ANKRD30BL: variants seen among roughly 807,000 people sequenced by gnomAD.
ANKRD30BL encodes ankyrin repeat domain 30B like.
In ANKRD30BL, 20 loss-of-function variants were observed where a neutral mutation model predicts 18.4. The observed-to-expected ratio is 1.09, with a 90% CI of 0.77 to 1.58. ANKRD30BL has a LOEUF of 1.58. Ranked by LOEUF, ANKRD30BL falls within the 40% of genes most tolerant of loss-of-function variation. The probability of loss-of-function intolerance (pLI) is 0.00; values close to 1 mark genes in which losing one functional copy is unlikely to be tolerated. For missense variants in ANKRD30BL, 224 were observed against 268.6 expected (o/e 0.83, Z 1.16); for synonymous variants, 72 against 100.9 (o/e 0.71, Z 1.72).
intron 1 of ANKRD30BL, among the ~76,000 whole-genome samples, chr2:132,229,639 A>G (rs555509479): frequency 1.9e-4 from 29 of 152,282 alleles, no homozygotes; most frequent in Admixed American, 6.5e-5. Flanking sequence ...AACACTAGAC[A>G]GAAGCATTCT....
rs540617016 is a variant in ANKRD30BL, at chr2:132,154,301, G to A, written c.614+361C>T. On this transcript the variant is annotated intron_variant, in intron 4 of 5. Transcript: ENST00000409867. ...TTTTAAAAGTGTATGAAAAACAGAA[G>A]TTAGAAAAATACTATAAAGGTGTTA... Among the ~76,000 whole-genome samples the A allele has an allele frequency of 6.3e-4, 96 of 152,214 alleles. 5 individuals are homozygous for A. The South Asian group carries it at 0.02, about 31-fold the overall frequency.
At chr2:132,176,235 A>C (rs1388769677) in intron 1 of ANKRD30BL, among the ~76,000 whole-genome samples, 1 of 151,880 alleles carries the variant, frequency 6.6e-6, no homozygotes, top group African/African-American at 2.4e-5. Flanking sequence ...CTCTATTAAA[A>C]ATACAAAAAA....
At chr2:132,190,393 T>G (rs1368267080) in intron 1 of ANKRD30BL, among the ~76,000 whole-genome samples, 6 of 151,526 alleles carry the variant, frequency 4.0e-5, no homozygotes, top group Non-Finnish European at 8.8e-5. Flanking sequence ...ATCAAAAGGC[T>G]ACTTTCCAAA....
At chr2:132,253,341 C>CT (rs1680718188) in intron 1 of ANKRD30BL, 1 of 152,640 alleles carries the variant, frequency 6.6e-6, no homozygotes, top group Non-Finnish European at 1.5e-5. Flanking sequence ...CTCCCAACAA[C>CT]GGGAGGCCCT....
chr2:132,175,444 G>T (rs1688350554), intron 1 of ANKRD30BL, among the ~76,000 whole-genome samples: 1 of 152,210 alleles, frequency 6.6e-6, no homozygotes, highest in Non-Finnish European at 1.5e-5. Flanking sequence ...CCATAAGGTG[G>T]TTTTTCTCCT....
intron 1 of ANKRD30BL, among the ~76,000 whole-genome samples, chr2:132,221,825 G>T (rs527345319): frequency 1.9e-4 from 20 of 106,408 alleles, no homozygotes; most frequent in Non-Finnish European, 3.1e-4. Flanking sequence ...AGGTGGGGGG[G>T]TCAGCCCCCC....
At chr2:132,220,618 G>C (rs1167066357) in intron 1 of ANKRD30BL, among the ~76,000 whole-genome samples, 1 of 151,970 alleles carries the variant, frequency 6.6e-6, no homozygotes, top group Non-Finnish European at 1.5e-5. Context: ...CGCCAGCCTC[G>C]GCCTCCCGAG....
Position 132,214,822 on chromosome 2 carries a change from T to A in ANKRD30BL, n.441+42707A>T, listed in dbSNP as rs373925641. On this transcript the variant is annotated intron_variant and non_coding_transcript_variant, in intron 1 of 4. Transcript: ENST00000470729. ...GACATTTGGAGTGCTTTGAGGCCTA[T>A]GGTGAAAAGGAAATATCTTCACATA... is the stretch of plus-strand genomic sequence containing the variant. Among the ~76,000 whole-genome samples, 118 of 151,812 alleles carry A rather than the reference T, an allele frequency of 7.8e-4. 3 individuals are homozygous for A. The South Asian group carries it at 0.02, about 25-fold the overall frequency.
intron 1 of ANKRD30BL, among the ~76,000 whole-genome samples, chr2:132,158,852 G>A (rs1351555342): frequency 6.6e-6 from 1 of 151,232 alleles, no homozygotes; most frequent in South Asian, 2.1e-4. Context: ...ACAAGCACAG[G>A]TAAAAAGATT....
rs1573850605 is a variant in ANKRD30BL at position 132,214,868 on chromosome 2, T to C, written n.441+42661A>G. ...ACATAAAAACTAGACAGAAGCTTTC[T>C]GAGCAACTTCTTTGTGATGTGTGCA... On this transcript the variant is annotated intron_variant and non_coding_transcript_variant, in intron 1 of 4. Coordinates refer to the ANKRD30BL transcript ENST00000470729. Among the ~76,000 whole-genome samples, 3 of 152,134 alleles carry C rather than the reference T, an allele frequency of 2.0e-5. No individual in the cohort carries two copies. The Middle Eastern group carries it at 0.01, about 517-fold the overall frequency.
chr2:132,205,286 G>T (rs4441530), intron 1 of ANKRD30BL, among the ~76,000 whole-genome samples: 3 of 151,820 alleles, frequency 2.0e-5, no homozygotes, highest in African/African-American at 7.3e-5. Flanking sequence ...CACAGTGGAC[G>T]TGAAAAAACT....
intron 1 of ANKRD30BL, among the ~76,000 whole-genome samples, chr2:132,183,718 T>C (rs1406891692): frequency 1.3e-5 from 2 of 152,058 alleles, no homozygotes; most frequent in African/African-American, 4.8e-5. Flanking sequence ...CGTGTATATA[T>C]GTGTGTATGT....
chr2:132,206,121 G>T (rs111843973), intron 1 of ANKRD30BL, among the ~76,000 whole-genome samples: 207 of 152,142 alleles, frequency 1.4e-3, no homozygotes, highest in African/African-American at 4.7e-3. Context: ...TGATGCCACT[G>T]CACTCCAGCA....
chr2:132,226,091 A>G (rs1679836605), intron 1 of ANKRD30BL, among the ~76,000 whole-genome samples: 1 of 151,750 alleles, frequency 6.6e-6, no homozygotes, highest in African/African-American at 2.4e-5. Context: ...GACATACTTT[A>G]TCATAGAGCA....
chr2:132,222,090 G>C (rs1048201021), intron 1 of ANKRD30BL, among the ~76,000 whole-genome samples: 43 of 147,536 alleles, frequency 2.9e-4, no homozygotes, highest in African/African-American at 1.1e-3. Flanking sequence ...GAGGTCGGGG[G>C]GTCAGCCCCC....
intron 1 of ANKRD30BL, among the ~76,000 whole-genome samples, chr2:132,245,329 T>C (rs373051496): frequency 1.0e-5 from 1 of 100,148 alleles, no homozygotes; most frequent in Non-Finnish European, 2.3e-5. Context: ...TTTGCATTCA[T>C]CTCCTAGAGT....
At chr2:132,207,681 T>C (rs1469690872) in intron 1 of ANKRD30BL, among the ~76,000 whole-genome samples, 1 of 152,160 alleles carries the variant, frequency 6.6e-6, no homozygotes, top group African/African-American at 2.4e-5. Flanking sequence ...GAATGCCATC[T>C]GTAATCCAGA....
At chr2:132,160,600 G>A (rs1193508869) in intron 1 of ANKRD30BL, among the ~76,000 whole-genome samples, 1 of 150,220 alleles carries the variant, frequency 6.7e-6, no homozygotes, top group Non-Finnish European at 1.5e-5. Flanking sequence ...CACCACGCCC[G>A]GCTAATTTTT....
intron 1 of ANKRD30BL, among the ~76,000 whole-genome samples, chr2:132,255,552 T>C (rs922500506): frequency 1.3e-5 from 2 of 152,030 alleles, no homozygotes; most frequent in African/African-American, 2.4e-5. Context: ...TAATATACGC[T>C]ATTGGAGCTG....
Sources: gnomAD v4.1 joint callset for allele counts (sites outside exome capture counted in the v4.1 genomes callset) on GRCh38, gnomAD v4.1.1 for gene constraint, MANE v1.5 for transcripts, NCBI Gene and HGNC (gene_info 2026-07-23, HGNC 2026-07-21) for gene names.